Variants in IQSEC1 observed in about 807,000 individuals in gnomAD.
IQSEC1 encodes the protein IQ motif and SEC7 domain-containing protein 1.
In IQSEC1, 31 loss-of-function variants were observed where a neutral mutation model predicts 91.0. The observed-to-expected ratio is 0.34, with a 90% confidence interval of 0.26 to 0.46. The LOEUF (loss-of-function observed/expected upper bound fraction) is 0.46. Ranked by LOEUF, IQSEC1 falls within the 20% of genes least tolerant of loss-of-function variation. The pLI is 1.00. For missense variants in IQSEC1, 1,388 were observed against 1,575.6 expected, an observed-to-expected ratio of 0.88 and a Z score of 2.02; for synonymous variants, 699 against 662.6, an observed-to-expected ratio of 1.05 and a Z score of -0.84.
chr3:13,006,836 C>A (rs1702656975), intron 1 of IQSEC1, among the ~76,000 whole-genome samples: 1 of 152,222 alleles, frequency 6.6e-6, no homozygotes, highest in Non-Finnish European at 1.5e-5. Flanking sequence ...CAGAAACCCA[C>A]GTGGAGCCCA....
intron 1 of IQSEC1, among the ~76,000 whole-genome samples, chr3:13,231,006 G>A (rs1024855676): frequency 1.3e-5 from 2 of 152,138 alleles, no homozygotes; most frequent in South Asian, 4.1e-4. Context: ...TTGGGGCACT[G>A]TCCCCTTAAA....
Position 12,936,282 on chromosome 3 carries a change from T to C in IQSEC1, c.734A>G (p.Asn245Ser). The C allele has an allele frequency of 6.2e-7, 1 of 1,613,268 alleles. No homozygotes were observed. The highest frequency in any genetic ancestry group is 8.5e-7 in the Non-Finnish European group (1 of 1,179,966). ...CTCCTCAGTGTGCAGGCTGCGGCAG[T>C]TGAGGGCATCGTCGATGGACTCGGC... ...SLAESIDDAL[N>S]CRSLHTEEAP... The change falls in exon 3 of 14, where the codon AAC becomes AGC. Residue 245 changes from asparagine (N) to serine (S), a missense_variant. Coordinates refer to ENST00000613206, the MANE Select transcript of IQSEC1 (RefSeq NM_001134382.3).
intron 1 of IQSEC1, among the ~76,000 whole-genome samples, chr3:13,182,383 T>C (rs892272767): frequency 7.2e-5 from 11 of 152,226 alleles, no homozygotes; most frequent in African/African-American, 2.4e-4. Flanking sequence ...CACAATGACT[T>C]GTCCAAGGAT....
chr3:13,090,895 C>T (rs1290885540), intron 2 of IQSEC1, among the ~76,000 whole-genome samples: 1 of 152,118 alleles, frequency 6.6e-6, no homozygotes, highest in East Asian at 1.9e-4. Flanking sequence ...CGGGTATCCA[C>T]AGTTCCCTTG....
In IQSEC1 at chr3:13,282,652, C is replaced by G. The variant is rs568729302; in HGVS notation, c.272+59G>C. 4.0e-4 allele frequency among the ~76,000 whole-genome samples: 60 copies of G among 151,770 alleles called. No homozygotes were observed. Among genetic ancestry groups the G allele is most frequent in the African/African-American group, 1.3e-3 (55 of 41,478 alleles). On this transcript the variant is annotated intron_variant, in intron 1 of 15. Transcript: ENST00000648114. This position sits in a 1 kb window ranked among gnomAD's most constrained non-coding sequence, Gnocchi z 6.4. ...CTCCCCGCCAAGCCCCGAGGGAAGC[C>G]GCGGACCCCAAGAAGTTCCCACGTC...
At chr3:13,196,777 T>TGC (rs1420489550) in intron 1 of IQSEC1, among the ~76,000 whole-genome samples, 3 of 150,714 alleles carry the variant, frequency 2.0e-5, no homozygotes, top group Non-Finnish European at 2.9e-5. Context: ...TGTGTGTGTG[T>TGC]GTGTGTGTGT....
chr3:12,987,195 A>T (rs1334700459), intron 1 of IQSEC1, among the ~76,000 whole-genome samples: 1 of 152,250 alleles, frequency 6.6e-6, no homozygotes, highest in African/African-American at 2.4e-5. Flanking sequence ...CCTGTTTGGC[A>T]GGAGCAGCAG....
At chr3:12,920,940 C>A (rs1696574318) in intron 5 of IQSEC1, among the ~76,000 whole-genome samples, 1 of 152,190 alleles carries the variant, frequency 6.6e-6, no homozygotes, top group East Asian at 1.9e-4. Flanking sequence ...CCGCTGCCTG[C>A]AATGGGGACA....
rs1484718153 is a variant in IQSEC1, at chr3:12,940,973, GGGCCACCTCTAAGGGCCAA to G, written c.318+579_318+597del. Among the ~76,000 whole-genome samples, 1 of 152,194 alleles carries G rather than the reference GGGCCACCTCTAAGGGCCAA, an allele frequency of 6.6e-6. No individual in the cohort carries two copies. Among genetic ancestry groups the G allele is most frequent in the African/African-American group, 2.4e-5 (1 of 41,444 alleles). ...CCAGCCCTAGGCACACTGTGGGTCT[GGGCCACCTCTAAGGGCCAA>G]GGCCCCTGGGGGAGGGGTGCAGTCT... On this transcript the variant is annotated intron_variant, in intron 2 of 13. Transcript: ENST00000613206. The surrounding 1 kb of genome is among the most constrained non-coding windows in gnomAD (Gnocchi z 4.4).
intron 2 of IQSEC1, among the ~76,000 whole-genome samples, chr3:13,101,400 C>A (rs1435127447): frequency 1.5e-5 from 2 of 129,124 alleles, no homozygotes; most frequent in Admixed American, 7.6e-5. Flanking sequence ...GCCTGGGAGA[C>A]AGGGTGAGAT....
At chr3:12,911,758 A>G (rs1450034489) in intron 9 of IQSEC1, 30 bp from the exon 10 acceptor site, 3 of 1,493,888 alleles carry the variant, frequency 2.0e-6, no homozygotes, top group Middle Eastern at 3.4e-4. Flanking sequence ...GAGCTGAGCT[A>G]CAGTGTCTCG....
At chr3:12,952,842 GAGA>G (rs1318629354) in intron 1 of IQSEC1, among the ~76,000 whole-genome samples, 5 of 152,236 alleles carry the variant, frequency 3.3e-5, no homozygotes, top group Non-Finnish European at 5.9e-5. Flanking sequence ...GAAGGAAGAG[GAGA>G]AGATGGGGAG....
At chr3:13,238,023 G>T (rs1559283715) in intron 1 of IQSEC1, among the ~76,000 whole-genome samples, 1 of 152,200 alleles carries the variant, frequency 6.6e-6, no homozygotes, top group Non-Finnish European at 1.5e-5. Flanking sequence ...GGTACACCTG[G>T]AGGCACTGAC....
At chr3:13,123,460 C>A (rs1018012884) in intron 2 of IQSEC1, among the ~76,000 whole-genome samples, 2 of 152,204 alleles carry the variant, frequency 1.3e-5, no homozygotes, top group African/African-American at 4.8e-5. Context: ...AGTGGGCATA[C>A]GACTGGGAGG....
intron 1 of IQSEC1, among the ~76,000 whole-genome samples, chr3:13,203,028 C>T (rs1576293486): frequency 6.6e-6 from 1 of 152,228 alleles, no homozygotes; most frequent in East Asian, 1.9e-4. Flanking sequence ...CTGACCTCCA[C>T]ATAGTGCGTC....
In IQSEC1 at chr3:12,900,690, GTTCAACA is replaced by G; in HGVS notation, c.*286_*292del. On this transcript the variant is annotated 3_prime_UTR_variant, in exon 14 of 14. Coordinates refer to ENST00000613206, the MANE Select transcript of IQSEC1 (RefSeq NM_001134382.3). ...GCTGAGAGCTGGAGTGGGGGAGGCA[GTTCAACA>G]CTACTTGGCTGGCTCACCGTTTCAA... is the stretch of plus-strand genomic sequence containing the variant. 4 of 1,355,312 alleles carry G rather than the reference GTTCAACA, an allele frequency of 3.0e-6. No homozygotes were observed. Among genetic ancestry groups the G allele is most frequent in the Non-Finnish European group, 3.8e-6 (4 of 1,052,640 alleles). The allele number at this position is 1,355,312 out of a possible 1,614,324, so 84.0% of individuals were successfully genotyped here.
chr3:13,075,956 C>T (rs1705555566), upstream of IQSEC1, among the ~76,000 whole-genome samples: 1 of 152,174 alleles, frequency 6.6e-6, no homozygotes, highest in African/African-American at 2.4e-5. Flanking sequence ...TACCTCATGA[C>T]CCCAAGCCCT....
intron 1 of IQSEC1, among the ~76,000 whole-genome samples, chr3:13,279,966 G>T (rs969329735): frequency 1.3e-5 from 2 of 152,150 alleles, no homozygotes; most frequent in Admixed American, 1.3e-4. Context: ...TGCTCAGTTG[G>T]CCCAAAAGAA....
intron 9 of IQSEC1, among the ~76,000 whole-genome samples, chr3:12,912,864 C>T (rs769350726): frequency 2.6e-5 from 4 of 152,172 alleles, no homozygotes; most frequent in Non-Finnish European, 5.9e-5. Context: ...GGGGAAACCT[C>T]CAGCCCTTGT....
Sources: gnomAD v4.1 joint callset for allele counts (sites outside exome capture counted in the v4.1 genomes callset) on GRCh38, gnomAD v4.1.1 for gene constraint, Gnocchi (gnomAD v3.1) non-coding constraint, MANE v1.5 for transcripts, NCBI Gene and HGNC (gene_info 2026-07-23, HGNC 2026-07-21) for gene names.